CENPL: variants seen among roughly 807,000 people sequenced by gnomAD.
CENPL encodes the protein interphase centromere complex protein 33.
Under a neutral mutation model 35.2 loss-of-function variants are expected in CENPL, and 20 were observed. The ratio of observed to expected loss-of-function variants is 0.57; its 90% CI spans 0.40 to 0.83. CENPL has a LOEUF of 0.83. Among genes scored for constraint, CENPL ranks in the 40% least tolerant of loss-of-function variants. CENPL has a pLI of 0.00. For missense variants in CENPL, 363 were observed against 395.8 expected, an observed-to-expected ratio of 0.92 and a Z score of 0.70; for synonymous variants, 140 against 140.6, an observed-to-expected ratio of 1.00 and a Z score of 0.03.
chr1:173,820,226 C>T (rs61827876), intron 2 of CENPL, among the ~76,000 whole-genome samples: 34,712 of 151,934 alleles, frequency 0.23, 4,423 homozygotes, highest in Middle Eastern at 0.39. Flanking sequence ...CGTTATGGGG[C>T]ATTTCAGACT....
rs1172538157 is a variant in CENPL at position 173,807,503 on chromosome 1, G to A, written c.184C>T (p.Gln62Ter). 1 of 1,489,720 alleles carries A rather than the reference G, an allele frequency of 6.7e-7. No individual in the cohort carries two copies. Among genetic ancestry groups the A allele is most frequent in the Non-Finnish European group, 9.0e-7 (1 of 1,111,038 alleles). 92.3% of individuals were successfully genotyped at this position (1,489,720 alleles called of 1,614,324 possible). A position where few individuals can be genotyped will look rare whatever the true frequency, so the allele number is the denominator to read the frequency against. The change falls in exon 4 of 6, where the codon CAA (glutamine) becomes TAA (stop). Residue 62 changes from glutamine to a stop codon, truncating the protein, a stop_gained. Transcript: ENST00000682279. LOFTEE classifies it high-confidence loss of function. ...CSQLQEDVDP[Q>*]KVAFLLHKQW... ...TTATGCAGAAGGAATGCAACCTTTT[G>A]AGGGTCAACATCTTCCTATAAAAAA...
intron 4 of CENPL, among the ~76,000 whole-genome samples, chr1:173,803,988 A>G (rs1056409311): frequency 6.6e-6 from 1 of 152,150 alleles, no homozygotes; most frequent in Admixed American, 6.5e-5. Flanking sequence ...ATTCTTATAC[A>G]GTGGAAACAT....
At chr1:173,815,339 G>A (rs564556981) in intron 2 of CENPL, among the ~76,000 whole-genome samples, 18 of 152,214 alleles carry the variant, frequency 1.2e-4, no homozygotes, top group African/African-American at 3.4e-4. Context: ...CATTTTATGA[G>A]GCCAGCATCA....
At chr1:173,802,357 C>A (rs1369746657) in intron 5 of CENPL, among the ~76,000 whole-genome samples, 1 of 152,104 alleles carries the variant, frequency 6.6e-6, no homozygotes, top group African/African-American at 2.4e-5. Context: ...CAGATGCCCA[C>A]CACCACGCCT....
intron 4 of CENPL, chr1:173,806,610 C>G (rs536153116): frequency 3.5e-6 from 1 of 282,780 alleles, no homozygotes; most frequent in African/African-American, 2.3e-5. Flanking sequence ...ATAAAATAAA[C>G]GCAACATTTT....
chr1:173,818,617 A>ATG (rs150735412), intron 2 of CENPL, among the ~76,000 whole-genome samples: 5 of 151,842 alleles, frequency 3.3e-5, no homozygotes, highest in Admixed American at 6.6e-5. Context: ...CAGAGTATGC[A>ATG]TGTGTGTGTG....
chr1:173,807,479 T>C lies in CENPL; in HGVS notation c.208A>G (p.Lys70Glu), dbSNP rs1490985112. 3 of 1,557,790 alleles carry C rather than the reference T, an allele frequency of 1.9e-6. No homozygotes were observed. Among genetic ancestry groups the C allele is most frequent in the Non-Finnish European group, 2.6e-6 (3 of 1,148,200 alleles). The part of the protein sequence containing the change: ...DPQKVAFLLH[K>E]QWTLYSLTPL... ...GTTAAACTATATAAAGTCCACTGTT[T>C]ATGCAGAAGGAATGCAACCTTTTGA... The change falls in exon 4 of 6, where the codon AAA becomes GAA. Residue 70 changes from lysine (K) to glutamate (E), a missense_variant. Physicochemically the swap from Lys to Glu is moderately conservative, Grantham distance 56. Coordinates refer to ENST00000682279, the MANE Select transcript of CENPL (RefSeq NM_001387287.1).
intron 2 of CENPL, among the ~76,000 whole-genome samples, chr1:173,819,513 C>T (rs564769944): frequency 1.3e-5 from 2 of 152,100 alleles, no homozygotes; most frequent in South Asian, 2.1e-4. Context: ...CGCTTGAACC[C>T]GGGAGGTGGA....
At chr1:173,818,994 G>A (rs897855759) in intron 2 of CENPL, among the ~76,000 whole-genome samples, 1 of 152,184 alleles carries the variant, frequency 6.6e-6, no homozygotes, top group African/African-American at 2.4e-5. Context: ...CAACACTTTG[G>A]GAGGCTGAAG....
intron 2 of CENPL, among the ~76,000 whole-genome samples, chr1:173,813,293 G>A (rs1359666217): frequency 6.6e-6 from 1 of 152,172 alleles, no homozygotes; most frequent in Non-Finnish European, 1.5e-5. Context: ...TAGCAAGGCA[G>A]GCCAACATTC....
At chr1:173,811,352 A>G in intron 2 of CENPL, 46 bp from the exon 3 acceptor site, 1 of 1,312,704 alleles carries the variant, frequency 7.6e-7, no homozygotes, top group Non-Finnish European at 1.1e-6. Flanking sequence ...CTAAAAAGTT[A>G]ATTCATGCTT....
intron 2 of CENPL, among the ~76,000 whole-genome samples, chr1:173,821,358 T>A (rs753125063): frequency 2.6e-5 from 4 of 152,228 alleles, no homozygotes; most frequent in Non-Finnish European, 5.9e-5. Flanking sequence ...ACTTAGCTAC[T>A]TCTTTCACGT....
chr1:173,823,117 T>C (rs996026254), intron 2 of CENPL: 2 of 152,216 alleles, frequency 1.3e-5, no homozygotes, highest in African/African-American at 4.8e-5. Context: ...TAGCTACTTA[T>C]CTTGTTCCCA....
chr1:173,801,213 A>G (rs1649719411), intron 5 of CENPL, among the ~76,000 whole-genome samples: 1 of 152,014 alleles, frequency 6.6e-6, no homozygotes, highest in Non-Finnish European at 1.5e-5. Flanking sequence ...TTAAAATAAA[A>G]TGTGGATAAA....
intron 2 of CENPL, among the ~76,000 whole-genome samples, chr1:173,813,488 T>C (rs1402127993): frequency 6.6e-6 from 1 of 152,094 alleles, no homozygotes. Flanking sequence ...CGGCAGAAAC[T>C]CTACAAGCCA....
At chr1:173,820,516 T>TAATA (rs368168261) in intron 2 of CENPL, among the ~76,000 whole-genome samples, 3,689 of 152,166 alleles carry the variant, frequency 0.024, 158 homozygotes, top group African/African-American at 0.085. Context: ...CCTCTCTAAT[T>TAATA]AATAAATAAA....
intron 4 of CENPL, among the ~76,000 whole-genome samples, chr1:173,804,593 T>G (rs1210738948): frequency 6.6e-6 from 1 of 152,232 alleles, no homozygotes; most frequent in African/African-American, 2.4e-5. Context: ...TTTTCTGGTT[T>G]TTAGTTGACA....
intron 2 of CENPL, among the ~76,000 whole-genome samples, chr1:173,816,698 G>T (rs1290670005): frequency 1.3e-5 from 2 of 152,182 alleles, no homozygotes; most frequent in Non-Finnish European, 2.9e-5. Context: ...ATGGATTAAA[G>T]ATGTAAATGT....
chr1:173,822,827 T>C (rs1467967670), intron 2 of CENPL: 2 of 152,350 alleles, frequency 1.3e-5, no homozygotes, highest in African/African-American at 4.8e-5. Context: ...AACCTCCACC[T>C]CCCAGGTTCA....
Sources: allele counts gnomAD v4.1 joint callset (sites outside exome capture counted in the v4.1 genomes callset), GRCh38; gene constraint gnomAD v4.1.1; transcripts MANE v1.5; gene names NCBI Gene and HGNC (gene_info 2026-07-23, HGNC 2026-07-21).